The following MDGA2 variants were observed in gnomAD, a reference collection of about 807,000 sequenced individuals.
The protein encoded by MDGA2 is MAM domain-containing glycosylphosphatidylinositol anchor protein 2.
In MDGA2, 40 loss-of-function variants were observed where a neutral mutation model predicts 117.8. The observed-to-expected ratio is 0.34, with a 90% CI of 0.26 to 0.44. MDGA2 has a LOEUF of 0.44. Among genes scored for constraint, MDGA2 ranks in the 20% least tolerant of loss-of-function variants. MDGA2 has a pLI of 1.00. For missense variants in MDGA2, 1,123 were observed against 1,250.6 expected, an observed-to-expected ratio of 0.90 and a Z score of 1.54; for synonymous variants, 452 against 439.0, an observed-to-expected ratio of 1.03 and a Z score of -0.37.
intron 2 of MDGA2, among the ~76,000 whole-genome samples, chr14:47,287,785 GTA>G (rs1888737650): frequency 6.6e-6 from 1 of 152,120 alleles, no homozygotes; most frequent in Non-Finnish European, 1.5e-5. Context: ...GGTGTTGCAG[GTA>G]TAACTAGTTG....
At chr14:47,660,545 T>G (rs1292351723) in intron 1 of MDGA2, among the ~76,000 whole-genome samples, 1 of 152,206 alleles carries the variant, frequency 6.6e-6, no homozygotes, top group Admixed American at 6.5e-5. Context: ...CGCAATCAAC[T>G]GTCCTCTTGA....
chr14:47,633,621 A>G (rs1897276224), intron 1 of MDGA2, among the ~76,000 whole-genome samples: 1 of 152,208 alleles, frequency 6.6e-6, no homozygotes, highest in Non-Finnish European at 1.5e-5. Context: ...AAGAATTCCA[A>G]TACATCCCAA....
intron 6 of MDGA2, among the ~76,000 whole-genome samples, chr14:47,073,792 C>T (rs555867317): frequency 6.6e-6 from 1 of 152,256 alleles, no homozygotes; most frequent in East Asian, 1.9e-4. Context: ...AATAGGAATT[C>T]GTACTGTGCC....
At chr14:47,184,988 AC>A (rs1227504450) in intron 3 of MDGA2, among the ~76,000 whole-genome samples, 1 of 151,356 alleles carries the variant, frequency 6.6e-6, no homozygotes, top group African/African-American at 2.4e-5. Context: ...AAGCAAATAA[AC>A]CATATAAAAT....
Position 47,269,462 on chromosome 14 carries a change from A to G in MDGA2, c.420+31949T>C, listed in dbSNP as rs985630879. The stretch of plus-strand genomic sequence containing the variant: ...GACTTTGTGTCTTCATTGAAAATTT[A>G]GGAGACCATAATTAATCAAAGAAGC... On this transcript the variant is annotated intron_variant, in intron 2 of 16. Transcript: ENST00000399232. 3.3e-5 allele frequency among the ~76,000 whole-genome samples: 5 copies of G among 152,288 alleles called. No homozygotes were observed. The East Asian group carries it at 9.6e-4, about 29-fold the overall frequency.
chr14:46,927,376 A>C (rs2138533501), intron 9 of MDGA2, among the ~76,000 whole-genome samples: 1 of 152,280 alleles, frequency 6.6e-6, no homozygotes, highest in Admixed American at 6.5e-5. Flanking sequence ...TACTAAATTA[A>C]TATGAAGAGG....
intron 1 of MDGA2, among the ~76,000 whole-genome samples, chr14:47,360,176 A>G (rs968845314): frequency 1.3e-5 from 2 of 151,648 alleles, no homozygotes. Flanking sequence ...ACATGGAGAA[A>G]CCCCATCTCT....
At chr14:47,260,850 TGGTCA>T (rs1186682687) in intron 2 of MDGA2, among the ~76,000 whole-genome samples, 32 of 152,060 alleles carry the variant, frequency 2.1e-4, no homozygotes, top group Non-Finnish European at 4.0e-4. Context: ...CGTTGTACTA[TGGTCA>T]GTCCATAGCA....
rs1165942334 is a variant in MDGA2, at chr14:47,545,087, A to C, written c.280+129430T>G. Among the ~76,000 whole-genome samples, 3 of 152,338 alleles carry C rather than the reference A, an allele frequency of 2.0e-5. No individual in the cohort carries two copies. The East Asian group carries it at 5.8e-4, about 29-fold the overall frequency. The stretch of plus-strand genomic sequence containing the variant: ...AACACCAAGTTCAATATTTAAATGA[A>C]AAATGCTGGCCTTCTATTAGTATTG... On this transcript the variant is annotated intron_variant, in intron 1 of 16. Transcript: ENST00000399232.
chr14:47,104,473 C>T (rs1158862479), intron 5 of MDGA2, among the ~76,000 whole-genome samples: 15 of 141,168 alleles, frequency 1.1e-4, no homozygotes, highest in African/African-American at 3.5e-4. Context: ...GAGCACCTTG[C>T]GACCCCCACT....
At chr14:47,071,592 G>A (rs1338791232) in intron 6 of MDGA2, among the ~76,000 whole-genome samples, 1 of 151,184 alleles carries the variant, frequency 6.6e-6, no homozygotes, top group Non-Finnish European at 1.5e-5. Context: ...TATCAAACAA[G>A]CAAATAAGTC....
intron 1 of MDGA2, among the ~76,000 whole-genome samples, chr14:47,508,021 T>C (rs1057078914): frequency 3.3e-5 from 5 of 152,200 alleles, no homozygotes; most frequent in African/African-American, 1.2e-4. Context: ...CTGACATCAG[T>C]GAAAAAGAAT....
intron 5 of MDGA2, among the ~76,000 whole-genome samples, chr14:47,102,527 G>A (rs1015310977): frequency 6.6e-6 from 1 of 152,036 alleles, no homozygotes; most frequent in Non-Finnish European, 1.5e-5. Context: ...TTTGGGCTGG[G>A]ATCACAGGAA....
At chr14:47,178,893 A>G (rs1884587717) in intron 3 of MDGA2, among the ~76,000 whole-genome samples, 1 of 152,148 alleles carries the variant, frequency 6.6e-6, no homozygotes, top group Non-Finnish European at 1.5e-5. Flanking sequence ...TGTTGTATAC[A>G]GTATACAAGT....
intron 9 of MDGA2, among the ~76,000 whole-genome samples, chr14:46,949,670 C>T (rs1670850493): frequency 6.6e-6 from 1 of 151,964 alleles, no homozygotes; most frequent in African/African-American, 2.4e-5. Context: ...ATCCATGTTG[C>T]TACAAAGGAC....
chr14:47,080,702 T>C (rs1038050763), intron 6 of MDGA2, among the ~76,000 whole-genome samples: 1 of 152,206 alleles, frequency 6.6e-6, no homozygotes, highest in African/African-American at 2.4e-5. Context: ...AGCGCATTTA[T>C]AGTTCCACCT....
chr14:47,243,552 C>T (rs955393852), intron 2 of MDGA2, among the ~76,000 whole-genome samples: 3 of 151,636 alleles, frequency 2.0e-5, no homozygotes, highest in South Asian at 2.1e-4. Context: ...AGCGAGACCA[C>T]GAGCCCACCA....
At chr14:47,421,215 T>A (rs1003591792) in intron 1 of MDGA2, among the ~76,000 whole-genome samples, 1 of 152,084 alleles carries the variant, frequency 6.6e-6, no homozygotes, top group East Asian at 1.9e-4. Flanking sequence ...ACCTGAAATG[T>A]TTTTTACATT....
chr14:47,654,993 G>A (rs971037601), intron 1 of MDGA2, among the ~76,000 whole-genome samples: 3 of 152,028 alleles, frequency 2.0e-5, no homozygotes, highest in Non-Finnish European at 2.9e-5. Context: ...ATGTTGCTAG[G>A]ATAAAGACAG....
Sources: allele counts gnomAD v4.1 joint callset (sites outside exome capture counted in the v4.1 genomes callset), GRCh38; gene constraint gnomAD v4.1.1; transcripts MANE v1.5; gene names NCBI Gene and HGNC (gene_info 2026-07-23, HGNC 2026-07-21).